The following NBPF15 variants were observed in gnomAD, a reference collection of about 807,000 sequenced individuals.
The protein encoded by NBPF15 is NBPF family member NBPF15.
NBPF15 carries 74 observed loss-of-function variants against 62.2 expected under a neutral mutation model. The ratio of observed to expected loss-of-function variants is 1.19; its 90% CI spans 0.99 to 1.44. NBPF15 has a LOEUF of 1.44. Ranked by LOEUF, NBPF15 falls within the 40% of genes most tolerant of loss-of-function variation. The pLI, the probability that NBPF15 is intolerant of heterozygous loss-of-function variation, is 0.00. For synonymous variants in NBPF15, 244 were observed against 209.7 expected, an observed-to-expected ratio of 1.16 and a Z score of -1.41; for missense variants, 790 against 550.0, an observed-to-expected ratio of 1.44 and a Z score of -4.36.
chr1:144,435,773 A>T lies in NBPF15; in HGVS notation c.566+8T>A. On this transcript the variant is annotated splice_region_variant and intron_variant, in intron 11 of 21. Coordinates refer to ENST00000581897, the MANE Select transcript of NBPF15 (RefSeq NM_001385408.1). ...ATCCATTAATTGTTCCTGAGTATTCAGTGTTACCTGGGGGCAGACGATTTC... is the reference window on the plus strand; with the variant it reads ...ATCCATTAATTGTTCCTGAGTATTCTGTGTTACCTGGGGGCAGACGATTTC... 1.2e-6 allele frequency: 1 copy of T among 816,134 alleles called. No homozygotes were observed. Among genetic ancestry groups the T allele is most frequent in the Non-Finnish European group, 2.2e-6 (1 of 464,030 alleles). The allele number at this position is 816,134 out of a possible 1,614,324, so 50.6% of individuals were successfully genotyped here.
intron 6 of NBPF15, among the ~76,000 whole-genome samples, chr1:144,440,779 A>C (rs1340906655): frequency 3.3e-5 from 5 of 150,266 alleles, no homozygotes; most frequent in African/African-American, 1.2e-4. Context: ...CAGACTCCCA[A>C]GTAGTTGGGA....
chr1:144,426,505 G>T, intron 17 of NBPF15, 55 bp from the exon 18 acceptor site: 1 of 785,602 alleles, frequency 1.3e-6, no homozygotes, highest in Non-Finnish European at 2.3e-6. Context: ...AAACCACACA[G>T]CCCCAGCTAG....
rs1249459743 is a variant in NBPF15 at position 144,458,197 on chromosome 1, C to T, written c.-701+1169G>A. ...AAATGGCTTAACGCTTATTTAGGTACGATCCATAAAGTTTTCCTGGTAATT... is the reference window on the plus strand; with the variant it reads ...AAATGGCTTAACGCTTATTTAGGTATGATCCATAAAGTTTTCCTGGTAATT... On this transcript the variant is annotated intron_variant, in intron 3 of 21. Coordinates refer to ENST00000581897, the MANE Select transcript of NBPF15 (RefSeq NM_001385408.1). Among the ~76,000 whole-genome samples the T allele has an allele frequency of 5.3e-4, 80 of 151,960 alleles. 2 individuals carry two copies. The East Asian group carries it at 0.011, about 21-fold the overall frequency.
chr1:144,429,758 G>A lies in NBPF15; in HGVS notation c.930C>T (p.Tyr310=). Residue 310 remains tyrosine (Y), a synonymous_variant, in exon 14 of 22, where the codon TAC becomes TAT. Coordinates refer to ENST00000581897, the MANE Select transcript of NBPF15 (RefSeq NM_001385408.1). ...CCTCTAATGAGTGAAATGTGCTGCT[G>A]TAAGACTGGTACGAGGCCAACATTT... ...PPEMLASYQS[Y]SSTFHSLEEQ... 1 of 686,142 alleles carries A rather than the reference G, an allele frequency of 1.5e-6. No individual in the cohort carries two copies. Among genetic ancestry groups the A allele is most frequent in the Non-Finnish European group, 2.4e-6 (1 of 411,982 alleles). The allele number at this position is 686,142 out of a possible 1,614,324, so 42.5% of individuals were successfully genotyped here.
In NBPF15 at chr1:144,442,373, C is replaced by T. The variant is rs1283085292; in HGVS notation, c.-190-2078G>A. Among the ~76,000 whole-genome samples the T allele has an allele frequency of 3.0e-5, 4 of 131,500 alleles. No homozygotes were observed. The East Asian group carries it at 8.6e-4, about 28-fold the overall frequency. 86.3% of individuals were successfully genotyped at this position (131,500 alleles called of 152,430 possible). ...ATATATACACATATATACATGTATA[C>T]ATGTATATATATTATACAATATATA... On this transcript the variant is annotated intron_variant, in intron 6 of 21. Transcript: ENST00000581897.
In NBPF15 at chr1:144,423,139, T is replaced by A. The variant is rs1277461846; in HGVS notation, c.1887A>T (p.Arg629Ser). The A allele has an allele frequency of 6.2e-7, 1 of 1,611,384 alleles. No individual in the cohort carries two copies. The highest frequency in any genetic ancestry group is 8.5e-7 in the Non-Finnish European group (1 of 1,179,588). The change falls in exon 22 of 22, where the codon AGA (arginine) becomes AGT (serine). Residue 629 changes from arginine to serine, a missense_variant. Arg to Ser is a moderately radical substitution (Grantham distance 110). Transcript: ENST00000581897. ...CTTCCTCAAATGAGTAAAACACACT[T>A]CTGTAGTGCTGGAATGAGTCAGGTT... ...FEQPDSFQHY[R>S]SVFYSFEEEH...
intron 13 of NBPF15, among the ~76,000 whole-genome samples, chr1:144,432,517 T>C (rs1487853217): frequency 1.3e-5 from 2 of 151,722 alleles, no homozygotes; most frequent in Non-Finnish European, 2.9e-5. Context: ...GAATGGCAAA[T>C]TGGATAAAGA....
At chr1:144,458,160 C>T (rs1273150692) in intron 3 of NBPF15, among the ~76,000 whole-genome samples, 6 of 152,032 alleles carry the variant, frequency 3.9e-5, no homozygotes, top group Non-Finnish European at 5.9e-5. Context: ...CATCACATCA[C>T]GTCGGCCCTT....
At chr1:144,429,291 G>T (rs1404179505) in intron 14 of NBPF15, among the ~76,000 whole-genome samples, 1 of 148,760 alleles carries the variant, frequency 6.7e-6, no homozygotes, top group African/African-American at 2.6e-5. Flanking sequence ...CACTGGCCTT[G>T]GGCAGGTAAA....
intron 3 of NBPF15, 47 bp from the exon 4 acceptor site, chr1:144,456,852 CT>C: frequency 9.6e-6 from 2 of 209,350 alleles, no homozygotes; most frequent in Non-Finnish European, 1.7e-5. Flanking sequence ...AGATTTGGGG[CT>C]TCGGCAACTT....
chr1:144,442,437 T>C (rs1330884386), intron 6 of NBPF15, among the ~76,000 whole-genome samples: 1 of 145,816 alleles, frequency 6.9e-6, no homozygotes, highest in African/African-American at 2.5e-5. Context: ...TATATTTTTT[T>C]CTTTTTTAAG....
rs1553540838 is a variant in NBPF15 at position 144,435,220 on chromosome 1, G to T, written c.663C>A (p.Asn221Lys). The change falls in exon 12 of 22, where the codon AAC becomes AAA. Residue 221 changes from asparagine (N) to lysine (K), a missense_variant. Asn to Lys is a moderately conservative substitution (Grantham distance 94). Transcript: ENST00000581897. ...TGATTTTGGTTTTCTTATGTGGCTG[G>T]TTGGAGTCATAAGGGCCATGGCTAT... ...CSNSHGPYDS[N>K]QPHKKTKITF... The T allele has an allele frequency of 4.3e-6, 7 of 1,613,054 alleles. No individual in the cohort carries two copies. Among genetic ancestry groups the T allele is most frequent in the Middle Eastern group, 1.8e-4 (1 of 5,576 alleles).
intron 6 of NBPF15, among the ~76,000 whole-genome samples, chr1:144,445,270 G>GTATATA (rs59434439): frequency 0.069 from 7,281 of 104,790 alleles, 367 homozygotes; most frequent in African/African-American, 0.14. Flanking sequence ...GTCTGTATAT[G>GTATATA]TATATATATA....
intron 21 of NBPF15, 26 bp from the exon 22 acceptor site, chr1:144,423,282 A>G: frequency 6.2e-7 from 1 of 1,611,540 alleles, no homozygotes; most frequent in Non-Finnish European, 8.5e-7. Flanking sequence ...AAACTAAAGA[A>G]GCAGCCAGGG....
At chr1:144,425,110 A>ACT in intron 19 of NBPF15, among the ~76,000 whole-genome samples, 1 of 147,422 alleles carries the variant, frequency 6.8e-6, no homozygotes, top group African/African-American at 2.6e-5. Context: ...ACACAGACAC[A>ACT]CACACACAGA....
At chr1:144,428,426 G>T (rs1671586185) in intron 15 of NBPF15, among the ~76,000 whole-genome samples, 180 bp downstream of exon 15, 1 of 152,104 alleles carries the variant, frequency 6.6e-6, no homozygotes, top group Non-Finnish European at 1.5e-5. Context: ...AATGATAAGT[G>T]TAGGAAGAAA....
At chr1:144,454,720 T>TA (rs1693287559) in intron 4 of NBPF15, among the ~76,000 whole-genome samples, 1 of 147,712 alleles carries the variant, frequency 6.8e-6, no homozygotes, top group East Asian at 2.0e-4. Context: ...GGAACACAGC[T>TA]AGCAGATCAG....
intron 4 of NBPF15, among the ~76,000 whole-genome samples, chr1:144,452,004 T>C (rs1691477832): frequency 6.6e-6 from 1 of 151,344 alleles, no homozygotes; most frequent in Non-Finnish European, 1.5e-5. Context: ...ATACAAACAT[T>C]AGCCAGGTGT....
chr1:144,443,793 T>TA (rs1685250667), intron 6 of NBPF15, among the ~76,000 whole-genome samples: 1 of 150,744 alleles, frequency 6.6e-6, no homozygotes. Context: ...TGCACCACTT[T>TA]AAAATGTGTA....
Sources: allele counts gnomAD v4.1 joint callset (sites outside exome capture counted in the v4.1 genomes callset), GRCh38; gene constraint gnomAD v4.1.1; transcripts MANE v1.5; gene names NCBI Gene and HGNC (gene_info 2026-07-23, HGNC 2026-07-21).